Variants in XDH observed in about 807,000 individuals in gnomAD.
The protein encoded by XDH is xanthine dehydrogenase.
In XDH, 138 loss-of-function variants were observed where a neutral mutation model predicts 156.1. That is an observed-to-expected ratio of 0.88 (90% confidence interval 0.77 to 1.02). XDH has a LOEUF of 1.02. Ranked by LOEUF, XDH falls within the 50% of genes least tolerant of loss-of-function variation. The pLI is 0.00. For missense variants in XDH, 1,849 were observed against 1,684.9 expected, an observed-to-expected ratio of 1.10 and a Z score of -1.71; for synonymous variants, 669 against 625.7, an observed-to-expected ratio of 1.07 and a Z score of -1.03.
At chr2:31,351,082 A>G (rs527521681) in intron 24 of XDH, among the ~76,000 whole-genome samples, 1 of 152,312 alleles carries the variant, frequency 6.6e-6, no homozygotes, top group African/African-American at 2.4e-5. Context: ...ATGGAAAAGG[A>G]GAATTTAGTT....
intron 22 of XDH, 118 bp from the exon 23 acceptor site, chr2:31,365,662 T>C (rs1468279857): frequency 8.2e-6 from 10 of 1,214,322 alleles, no homozygotes; most frequent in Non-Finnish European, 1.2e-5. Flanking sequence ...TGAGCAGACC[T>C]GTACAGGGCT....
intron 26 of XDH, 122 bp from the exon 27 acceptor site, chr2:31,349,102 C>T: frequency 1.1e-6 from 1 of 917,566 alleles, no homozygotes; most frequent in Non-Finnish European, 1.7e-6. Context: ...GAACAGTCAG[C>T]TGGTGCACAG....
At position 31,398,622 on chromosome 2, in the gene XDH, G is replaced by C; in HGVS notation, c.384C>G (p.Leu128=). 6.2e-7 allele frequency: 1 copy of C among 1,614,134 alleles called. No individual in the cohort carries two copies. The highest frequency in any genetic ancestry group is 8.5e-7 in the Non-Finnish European group (1 of 1,180,014). ...CCATGGTGGGCTCGGGCTGATTCCGGAGCAGTGTGTACATACTCATGACGA... is the reference window on the plus strand; with the variant it reads ...CCATGGTGGGCTCGGGCTGATTCCGCAGCAGTGTGTACATACTCATGACGA... The part of the protein sequence containing the change: ...PGIVMSMYTL[L]RNQPEPTMEE... Residue 128 remains leucine (L), a synonymous_variant, in exon 5 of 36, where the codon CTC becomes CTG. Coordinates refer to ENST00000379416, the MANE Select transcript of XDH (RefSeq NM_000379.4).
chr2:31,379,267 G>GCAGGAATCCATCCGCAC (rs1395018558), intron 13 of XDH, among the ~76,000 whole-genome samples: 1 of 152,194 alleles, frequency 6.6e-6, no homozygotes, highest in Non-Finnish European at 1.5e-5. Context: ...CACTCATGAA[G>GCAGGAATCCATCCGCAC]CAGGAATCCA....
chr2:31,364,300 C>A, intron 23 of XDH, 56 bp from the exon 24 acceptor site: 1 of 1,531,730 alleles, frequency 6.5e-7, no homozygotes, highest in South Asian at 1.1e-5. Context: ...CCCCACCTCT[C>A]TGTCTCCCTC....
rs773771252 is a variant in XDH at position 31,386,483 on chromosome 2, G to C, written c.724C>G (p.Leu242Val). ...GCCTTGAGGTCCAGCAGCTCCTTGA[G>C]GGTTGAGGCCTGTATCCACGTCACA... The part of the protein sequence containing the change: ...ERVTWIQAST[L>V]KELLDLKAQH... The change falls in exon 9 of 36, where the codon CTC becomes GTC. Residue 242 changes from leucine (L) to valine (V), a missense_variant. Leu to Val is a conservative substitution (Grantham distance 32). Transcript: ENST00000379416. The C allele has an allele frequency of 8.7e-6, 14 of 1,614,016 alleles. No homozygotes were observed. The highest frequency in any genetic ancestry group is 1.7e-5 in the Admixed American group (1 of 60,012).
At chr2:31,354,538 A>T (rs188111596) in intron 24 of XDH, among the ~76,000 whole-genome samples, 35 of 152,336 alleles carry the variant, frequency 2.3e-4, no homozygotes, top group African/African-American at 7.9e-4. Flanking sequence ...CTTGACAGAA[A>T]TAAAAAGCTT....
intron 1 of XDH, 63 bp downstream of exon 1, chr2:31,414,562 C>T: frequency 1.2e-6 from 2 of 1,602,132 alleles, no homozygotes; most frequent in South Asian, 2.2e-5. Context: ...ATGGCTCTGC[C>T]AGAGGACACA....
Position 31,375,566 on chromosome 2 carries a change from C to A in XDH, c.1428-12G>T. 6.2e-7 allele frequency: 1 copy of A among 1,612,394 alleles called. No individual in the cohort carries two copies. The highest frequency in any genetic ancestry group is 8.5e-7 in the Non-Finnish European group (1 of 1,179,862). The stretch of plus-strand genomic sequence containing the variant: ...CCTCCTTCCAGAGCCTGCCAGAGAG[C>A]AGGGCGTGGGACAGCGCTCCCGCCC... On this transcript the variant is annotated splice_polypyrimidine_tract_variant and intron_variant, in intron 14 of 35. Coordinates refer to ENST00000379416, the MANE Select transcript of XDH (RefSeq NM_000379.4).
intron 34 of XDH, among the ~76,000 whole-genome samples, chr2:31,338,851 G>C (rs1196775792): frequency 6.7e-6 from 1 of 149,918 alleles, no homozygotes; most frequent in Non-Finnish European, 1.5e-5. Flanking sequence ...AGCCTCCTGA[G>C]TAGCTGGGAT....
chr2:31,352,028 G>A (rs1470240589), intron 24 of XDH, among the ~76,000 whole-genome samples: 2 of 152,118 alleles, frequency 1.3e-5, no homozygotes, highest in Non-Finnish European at 2.9e-5. Context: ...ATCCCAAAGT[G>A]TATGCCCATC....
Position 31,378,055 on chromosome 2 carries a change from G to GAAGAAAGAAAGAAAGAAAGA in XDH, c.1243-838_1243-819dup, listed in dbSNP as rs149074112. ...AAAAAGAGAAGAAAGAGAAAGAAAGGAAGAAAGAAAGAAAGAAAGAAAGAA... is the reference window on the plus strand; with the variant it reads ...AAAAAGAGAAGAAAGAGAAAGAAAGGAAGAAAGAAAGAAAGAAAGAAAGAAAGAAAGAAAGAAAGAAAGAA... On this transcript the variant is annotated intron_variant, in intron 13 of 35. Coordinates refer to ENST00000379416, the MANE Select transcript of XDH (RefSeq NM_000379.4). Among the ~76,000 whole-genome samples the GAAGAAAGAAAGAAAGAAAGA allele has an allele frequency of 1.8e-4, 12 of 65,518 alleles. 2 individuals are homozygous for GAAGAAAGAAAGAAAGAAAGA. The highest frequency in any genetic ancestry group is 1.5e-3 in the East Asian group (3 of 2,050). The allele number at this position is 65,518 out of a possible 152,430, so 43.0% of individuals were successfully genotyped here.
intron 24 of XDH, among the ~76,000 whole-genome samples, chr2:31,359,664 G>C (rs1685721893): frequency 1.3e-5 from 2 of 152,170 alleles, no homozygotes; most frequent in African/African-American, 4.8e-5. Flanking sequence ...GACAGAGTGA[G>C]ATTTCTTTGA....
At chr2:31,361,187 G>T (rs73922354) in intron 24 of XDH, among the ~76,000 whole-genome samples, 1 of 152,162 alleles carries the variant, frequency 6.6e-6, no homozygotes, top group East Asian at 1.9e-4. Flanking sequence ...CTACAAACAC[G>T]CTCCTTCCAC....
chr2:31,381,625 C>G lies in XDH; in HGVS notation c.1132+8G>C. The G allele has an allele frequency of 1.2e-6, 2 of 1,613,974 alleles. No individual in the cohort carries two copies. Among genetic ancestry groups the G allele is most frequent in the Non-Finnish European group, 8.5e-7 (1 of 1,179,932 alleles). ...CTTCTTCCTGGACCTCTGCTTCAGG[C>G]AGCTCACCTCTGGACACAAGTGTCA... On this transcript the variant is annotated splice_region_variant and intron_variant, in intron 12 of 35. Coordinates refer to ENST00000379416, the MANE Select transcript of XDH (RefSeq NM_000379.4).
At chr2:31,404,248 T>C (rs933429071) in intron 2 of XDH, among the ~76,000 whole-genome samples, 1 of 152,174 alleles carries the variant, frequency 6.6e-6, no homozygotes, top group African/African-American at 2.4e-5. Flanking sequence ...AGGTTTTCTG[T>C]GTCCTAGTCA....
At chr2:31,378,439 T>G (rs1686338435) in intron 13 of XDH, among the ~76,000 whole-genome samples, 1 of 152,062 alleles carries the variant, frequency 6.6e-6, no homozygotes, top group Admixed American at 6.6e-5. Context: ...ATTAGCAGGT[T>G]TAGGGAGAGG....
chr2:31,367,892 G>T, intron 20 of XDH, 69 bp downstream of exon 20: 1 of 1,420,600 alleles, frequency 7.0e-7, no homozygotes, highest in Non-Finnish European at 1.0e-6. Flanking sequence ...AGGGTTCAAT[G>T]CATATCTCTT....
At chr2:31,347,360 T>C (rs768606506) in intron 29 of XDH, among the ~76,000 whole-genome samples, 162 bp downstream of exon 29, 1 of 152,192 alleles carries the variant, frequency 6.6e-6, no homozygotes, top group Non-Finnish European at 1.5e-5. Context: ...CTCTTTTAGC[T>C]TGAGGTTTGG....
Sources: allele counts gnomAD v4.1 joint callset (sites outside exome capture counted in the v4.1 genomes callset), GRCh38; gene constraint gnomAD v4.1.1; transcripts MANE v1.5; gene names NCBI Gene and HGNC (gene_info 2026-07-23, HGNC 2026-07-21).